MAML3: variants seen among roughly 807,000 people sequenced by gnomAD.
The protein encoded by MAML3 is mastermind like transcriptional coactivator 3.
Under a neutral mutation model 101.9 loss-of-function variants are expected in MAML3, and 27 were observed. That is an observed-to-expected ratio of 0.27 (90% CI 0.20 to 0.37). The LOEUF is 0.37. Ranked by LOEUF, MAML3 falls within the 10% of genes least tolerant of loss-of-function variation. The probability of loss-of-function intolerance (pLI) is 1.00; values close to 1 mark genes in which losing one functional copy is unlikely to be tolerated. For missense variants in MAML3, 1,316 were observed against 1,444.9 expected, an observed-to-expected ratio of 0.91 and a Z score of 1.45; for synonymous variants, 501 against 555.9, an observed-to-expected ratio of 0.90 and a Z score of 1.39.
At chr4:139,882,500 T>C (rs369078295) in intron 2 of MAML3, among the ~76,000 whole-genome samples, 1 of 152,216 alleles carries the variant, frequency 6.6e-6, no homozygotes, top group East Asian at 1.9e-4. Context: ...AGTAGGGAAG[T>C]CAGAGGACCA....
At chr4:140,018,815 T>C (rs1441844536) in intron 1 of MAML3, among the ~76,000 whole-genome samples, 1 of 152,204 alleles carries the variant, frequency 6.6e-6, no homozygotes, top group African/African-American at 2.4e-5. Context: ...CTTATGTAAC[T>C]AATCCCTTAA....
intron 1 of MAML3, among the ~76,000 whole-genome samples, chr4:140,013,701 CA>C (rs1470805734): frequency 6.6e-6 from 1 of 152,154 alleles, no homozygotes; most frequent in Non-Finnish European, 1.5e-5. Flanking sequence ...AGCCTGATTC[CA>C]ATCCAAGTGT....
In MAML3 at chr4:140,153,596, G is replaced by GA. The variant is rs1729218482; in HGVS notation, c.-270dup. ...ACCATCAGACACCTATCAACAAAAA[G>GA]AATCACAACAAACTGAGCCAGCAGC... On this transcript the variant is annotated 5_prime_UTR_variant, in exon 1 of 5. Coordinates refer to ENST00000509479, the MANE Select transcript of MAML3 (RefSeq NM_018717.5). The GA allele has an allele frequency of 2.4e-6, 1 of 413,260 alleles. No individual in the cohort carries two copies. Among genetic ancestry groups the GA allele is most frequent in the African/African-American group, 2.1e-5 (1 of 48,310 alleles). The allele number at this position is 413,260 out of a possible 1,614,324, so 25.6% of individuals were successfully genotyped here. A position where few individuals can be genotyped will look rare whatever the true frequency, so the allele number is the denominator to read the frequency against.
At chr4:140,090,724 A>C (rs1728030909) in intron 1 of MAML3, among the ~76,000 whole-genome samples, 1 of 152,176 alleles carries the variant, frequency 6.6e-6, no homozygotes, top group South Asian at 2.1e-4. Context: ...CTACTACTAC[A>C]TGCTTCCACA....
In MAML3 at chr4:140,152,144, G is replaced by T. The variant is rs530992651; in HGVS notation, c.468+716C>A. ...CCCAGCCGCTCCACCTGCCGGGCTA[G>T]CCCCGAGTCGCGAGCAAAGAGCGGA... On this transcript the variant is annotated intron_variant, in intron 1 of 4. Transcript: ENST00000509479. Among the ~76,000 whole-genome samples, 318 of 152,202 alleles carry T rather than the reference G, an allele frequency of 2.1e-3. 3 individuals are homozygous for T. The highest frequency in any genetic ancestry group is 7.5e-3 in the African/African-American group (311 of 41,548).
chr4:139,966,684 C>T (rs17313183), intron 1 of MAML3, among the ~76,000 whole-genome samples: 33,245 of 152,126 alleles, frequency 0.22, 4,735 homozygotes, highest in Non-Finnish European at 0.3. Flanking sequence ...TGATCAGTTA[C>T]AGAGCAAAAT....
chr4:139,772,156 C>T (rs1275810775), intron 2 of MAML3, among the ~76,000 whole-genome samples: 8 of 128,940 alleles, frequency 6.2e-5, no homozygotes, highest in South Asian at 2.8e-4. Context: ...AGGAGAATGG[C>T]GTGAACCCGG....
chr4:140,029,107 A>C (rs1373665972), intron 1 of MAML3, among the ~76,000 whole-genome samples: 2 of 152,198 alleles, frequency 1.3e-5, no homozygotes, highest in East Asian at 3.8e-4. Context: ...GAGACTGCCC[A>C]GGTACACCTG....
chr4:139,971,627 T>C (rs1336470558), intron 1 of MAML3, among the ~76,000 whole-genome samples: 1 of 152,238 alleles, frequency 6.6e-6, no homozygotes, highest in Admixed American at 6.5e-5. Flanking sequence ...TGCTCTGAAA[T>C]AATTTTAATT....
chr4:140,054,696 G>A (rs1727323321), intron 1 of MAML3, among the ~76,000 whole-genome samples: 1 of 152,192 alleles, frequency 6.6e-6, no homozygotes, highest in Non-Finnish European at 1.5e-5. Flanking sequence ...TCACTTGTCA[G>A]TTAATTTAGT....
intron 1 of MAML3, among the ~76,000 whole-genome samples, chr4:139,987,477 T>C (rs1314073613): frequency 6.6e-6 from 1 of 152,264 alleles, no homozygotes; most frequent in Non-Finnish European, 1.5e-5. Flanking sequence ...CTCTATCTTA[T>C]GCCGTTCTTT....
At chr4:139,872,636 C>G (rs923132315) in intron 2 of MAML3, among the ~76,000 whole-genome samples, 1 of 152,002 alleles carries the variant, frequency 6.6e-6, no homozygotes, top group Non-Finnish European at 1.5e-5. Context: ...AATGCCTTTC[C>G]GGGTGAGAAC....
intron 2 of MAML3, among the ~76,000 whole-genome samples, chr4:139,828,306 A>G (rs930120347): frequency 1.3e-5 from 2 of 152,240 alleles, no homozygotes; most frequent in Admixed American, 1.3e-4. Flanking sequence ...CATAAAACAA[A>G]GCAAAACAAA....
Position 140,024,274 on chromosome 4 carries a change from C to T in MAML3, c.468+128586G>A, listed in dbSNP as rs547873388. On this transcript the variant is annotated intron_variant, in intron 1 of 4. Transcript: ENST00000509479. Reference sequence around the variant, plus strand: ...ACAGTGTCTTGCTCCGTCGCCCAGGCTGGAGTGCAGTGGTGCTATCACAGC... The same window carrying T: ...ACAGTGTCTTGCTCCGTCGCCCAGGTTGGAGTGCAGTGGTGCTATCACAGC... 3.5e-4 allele frequency among the ~76,000 whole-genome samples: 53 copies of T among 151,170 alleles called. No individual in the cohort carries two copies. The South Asian group carries it at 0.011, about 31-fold the overall frequency.
At chr4:140,143,595 T>C (rs1729010188) in intron 1 of MAML3, among the ~76,000 whole-genome samples, 1 of 152,152 alleles carries the variant, frequency 6.6e-6, no homozygotes, top group African/African-American at 2.4e-5. Flanking sequence ...ACCCCGTCTC[T>C]ACTAAAAATA....
chr4:139,880,189 A>C (rs1004215453), intron 2 of MAML3, among the ~76,000 whole-genome samples: 1 of 137,870 alleles, frequency 7.3e-6, no homozygotes, highest in African/African-American at 2.6e-5. Context: ...GAAAAAAAAA[A>C]AACAAACAAA....
chr4:139,746,799 T>C (rs902963591), intron 2 of MAML3, among the ~76,000 whole-genome samples: 2 of 152,242 alleles, frequency 1.3e-5, no homozygotes, highest in Non-Finnish European at 2.9e-5. Context: ...AAACTATGAT[T>C]ATGTTTTCTT....
At chr4:139,830,408 C>CTTTTTTTTTTTTT (rs1560807162) in intron 2 of MAML3, among the ~76,000 whole-genome samples, 1 of 143,532 alleles carries the variant, frequency 7.0e-6, no homozygotes, top group African/African-American at 2.8e-5. Context: ...GCACGCTGTG[C>CTTTTTTTTTTTTT]TATTTTTTTT....
intron 1 of MAML3, among the ~76,000 whole-genome samples, chr4:140,021,509 C>G (rs924476722): frequency 6.6e-6 from 1 of 152,132 alleles, no homozygotes; most frequent in South Asian, 2.1e-4. Context: ...TTATAAGGTT[C>G]AAAGTAGCTA....
Sources: allele counts gnomAD v4.1 joint callset (sites outside exome capture counted in the v4.1 genomes callset), GRCh38; gene constraint gnomAD v4.1.1; transcripts MANE v1.5; gene names NCBI Gene and HGNC (gene_info 2026-07-23, HGNC 2026-07-21).